Variants in PELI2 observed in about 807,000 individuals in gnomAD.
PELI2 encodes E3 ubiquitin-protein ligase pellino homolog 2.
In PELI2, 23 loss-of-function variants were observed where a neutral mutation model predicts 42.3. The observed-to-expected ratio is 0.54, with a 90% CI of 0.39 to 0.77. PELI2 has a LOEUF of 0.77. PELI2 is among the 30% of genes least tolerant of loss of function. The pLI, the probability that PELI2 is intolerant of heterozygous loss-of-function variation, is 0.00. For missense variants in PELI2, 463 were observed against 553.2 expected (o/e 0.84, Z 1.64); for synonymous variants, 245 against 212.2 (o/e 1.15, Z -1.34).
rs146200036 is a variant in PELI2, at chr14:56,178,325, C to T, written c.78-10C>T. The T allele has an allele frequency of 4.4e-4, 714 of 1,613,554 alleles. 5 individuals are homozygous for T. In the East Asian group the frequency reaches 0.013, roughly 30 times the overall value. On this transcript the variant is annotated splice_polypyrimidine_tract_variant and intron_variant, in intron 1 of 5. Transcript: ENST00000267460. The stretch of plus-strand genomic sequence containing the variant: ...TGCAGATAGATGAACTCTTTCCTCT[C>T]TGTTTCTAGGTACAATGGTGCTTTA...
chr14:56,118,943 G>T (rs1437884748), intron 1 of PELI2, among the ~76,000 whole-genome samples: 2 of 150,888 alleles, frequency 1.3e-5, no homozygotes, highest in African/African-American at 4.8e-5. Flanking sequence ...CGGACGCCGG[G>T]CTGCGCTGTC....
intron 1 of PELI2, among the ~76,000 whole-genome samples, chr14:56,167,742 C>T (rs1885015583): frequency 6.6e-6 from 1 of 152,170 alleles, no homozygotes; most frequent in African/African-American, 2.4e-5. Flanking sequence ...AGATGTTCTT[C>T]AGTGTCTGGG....
At chr14:56,175,466 A>G (rs1399254898) in intron 1 of PELI2, among the ~76,000 whole-genome samples, 2 of 152,256 alleles carry the variant, frequency 1.3e-5, no homozygotes, top group Non-Finnish European at 2.9e-5. Context: ...AAGCTGATAT[A>G]CACCATTGTA....
At chr14:56,264,188 T>C (rs551188516) in intron 2 of PELI2, among the ~76,000 whole-genome samples, 2 of 152,346 alleles carry the variant, frequency 1.3e-5, no homozygotes, top group South Asian at 2.1e-4. Context: ...GTTCTCATAC[T>C]GTCAACAAGT....
chr14:56,291,062 A>G (rs914071176), intron 5 of PELI2, among the ~76,000 whole-genome samples: 5 of 152,152 alleles, frequency 3.3e-5, no homozygotes, highest in African/African-American at 9.7e-5. Context: ...TTTTAAACCC[A>G]TTCTTTCTTG....
At chr14:56,149,743 C>G (rs1884267139) in intron 1 of PELI2, among the ~76,000 whole-genome samples, 1 of 152,118 alleles carries the variant, frequency 6.6e-6, no homozygotes, top group African/African-American at 2.4e-5. Flanking sequence ...TGAAAAATAT[C>G]TTAAAATCTC....
chr14:56,123,764 A>G (rs1883147177), intron 1 of PELI2, among the ~76,000 whole-genome samples: 1 of 152,212 alleles, frequency 6.6e-6, no homozygotes, highest in Non-Finnish European at 1.5e-5. Flanking sequence ...ATTTTACCAA[A>G]CATTTTATCG....
At chr14:56,148,809 A>T (rs904793961) in intron 1 of PELI2, among the ~76,000 whole-genome samples, 4 of 152,140 alleles carry the variant, frequency 2.6e-5, no homozygotes, top group African/African-American at 9.7e-5. Context: ...CATGTTTGTG[A>T]TCCTGGTATC....
intron 2 of PELI2, among the ~76,000 whole-genome samples, chr14:56,254,519 A>G (rs535930661): frequency 3.2e-4 from 48 of 151,616 alleles, no homozygotes; most frequent in African/African-American, 1.1e-3. Context: ...TAAACATAAG[A>G]CCTAAAACCA....
At chr14:56,222,277 T>C (rs1887163496) in intron 2 of PELI2, among the ~76,000 whole-genome samples, 1 of 152,248 alleles carries the variant, frequency 6.6e-6, no homozygotes, top group Non-Finnish European at 1.5e-5. Context: ...GATTCGTTTT[T>C]TCCAAATTCC....
At chr14:56,168,469 G>A (rs1885047204) in intron 1 of PELI2, among the ~76,000 whole-genome samples, 1 of 152,164 alleles carries the variant, frequency 6.6e-6, no homozygotes, top group African/African-American at 2.4e-5. Flanking sequence ...TAGGCCATGA[G>A]GAGTACTGCC....
intron 1 of PELI2, among the ~76,000 whole-genome samples, chr14:56,147,222 G>A (rs1050790072): frequency 1.3e-5 from 2 of 152,200 alleles, no homozygotes; most frequent in Non-Finnish European, 1.5e-5. Context: ...CAGTTGGATT[G>A]TCTTCAAGTT....
At chr14:56,163,604 T>C (rs1215632152) in intron 1 of PELI2, among the ~76,000 whole-genome samples, 2 of 152,138 alleles carry the variant, frequency 1.3e-5, no homozygotes, top group Non-Finnish European at 2.9e-5. Context: ...TTTCTATTTC[T>C]GTGGAGGATG....
intron 1 of PELI2, among the ~76,000 whole-genome samples, chr14:56,138,124 C>G (rs1294556332): frequency 6.6e-6 from 1 of 152,238 alleles, no homozygotes; most frequent in South Asian, 2.1e-4. Flanking sequence ...CGGCTTGCCA[C>G]TGATGCCTGC....
At chr14:56,295,445 G>A (rs1294354643) in intron 5 of PELI2, among the ~76,000 whole-genome samples, 1 of 151,916 alleles carries the variant, frequency 6.6e-6, no homozygotes, top group Non-Finnish European at 1.5e-5. Context: ...TATGCCATTT[G>A]GCCTCTCCTC....
chr14:56,154,234 A>G (rs11624380), intron 1 of PELI2, among the ~76,000 whole-genome samples: 3 of 152,056 alleles, frequency 2.0e-5, no homozygotes, highest in African/African-American at 4.8e-5. Flanking sequence ...TTTCATTGGT[A>G]TTAAGAATTT....
chr14:56,199,100 T>G (rs1414688410), intron 2 of PELI2, among the ~76,000 whole-genome samples: 1 of 152,236 alleles, frequency 6.6e-6, no homozygotes, highest in Non-Finnish European at 1.5e-5. Flanking sequence ...TTACCTTGTA[T>G]CTTTCCCCCT....
At chr14:56,151,881 G>A (rs1020134009) in intron 1 of PELI2, among the ~76,000 whole-genome samples, 38 of 152,318 alleles carry the variant, frequency 2.5e-4, no homozygotes, top group African/African-American at 9.1e-4. Flanking sequence ...TGACACCTAA[G>A]TCTTATAGTT....
rs576602272 is a variant in PELI2, at chr14:56,280,076, T to C, written c.309+299T>C. ...AAAAGCCAACATTTTCAGAATACTTTCTAAGTAGCATTTGAATGAAAGGGA... is the reference window on the plus strand; with the variant it reads ...AAAAGCCAACATTTTCAGAATACTTCCTAAGTAGCATTTGAATGAAAGGGA... On this transcript the variant is annotated intron_variant, in intron 3 of 5. Transcript: ENST00000267460. Among the ~76,000 whole-genome samples, 57 of 152,278 alleles carry C rather than the reference T, an allele frequency of 3.7e-4. No individual in the cohort carries two copies. The South Asian group carries it at 0.011, about 29-fold the overall frequency.
Sources: gnomAD v4.1 joint callset for allele counts (sites outside exome capture counted in the v4.1 genomes callset) on GRCh38, gnomAD v4.1.1 for gene constraint, MANE v1.5 for transcripts, NCBI Gene and HGNC (gene_info 2026-07-23, HGNC 2026-07-21) for gene names.